The following AGBL4 variants were observed in gnomAD, a reference collection of about 807,000 sequenced individuals.
AGBL4 encodes cytosolic carboxypeptidase 6.
AGBL4 carries 58 observed loss-of-function variants against 66.4 expected under a neutral mutation model. That is an observed-to-expected ratio of 0.87 (90% CI 0.71 to 1.09). AGBL4 has a LOEUF of 1.09. Among genes scored for constraint, AGBL4 ranks in the 50% least tolerant of loss-of-function variants. The probability of loss-of-function intolerance (pLI) is 0.00; values close to 1 mark genes in which losing one functional copy is unlikely to be tolerated. For missense variants in AGBL4, 579 were observed against 631.0 expected (o/e 0.92, Z 0.88); for synonymous variants, 234 against 222.9 (o/e 1.05, Z -0.44).
intron 4 of AGBL4, among the ~76,000 whole-genome samples, chr1:49,059,719 G>A (rs368482412): frequency 3.3e-5 from 5 of 152,096 alleles, no homozygotes; most frequent in Non-Finnish European, 7.4e-5. Context: ...CTAAGGCCAC[G>A]GGAGCCCACC....
At chr1:48,696,485 C>T (rs1646715885) in intron 6 of AGBL4, among the ~76,000 whole-genome samples, 1 of 152,156 alleles carries the variant, frequency 6.6e-6, no homozygotes, top group Admixed American at 6.5e-5. Flanking sequence ...GGCCCAAGGT[C>T]ATACCTGGAC....
chr1:49,180,643 A>T (rs2148185468), intron 4 of AGBL4, among the ~76,000 whole-genome samples: 1 of 152,296 alleles, frequency 6.6e-6, no homozygotes, highest in East Asian at 1.9e-4. Flanking sequence ...GAAGATACTG[A>T]TCCAGAAGAT....
At chr1:49,094,915 G>C (rs1223034585) in intron 4 of AGBL4, among the ~76,000 whole-genome samples, 1 of 152,142 alleles carries the variant, frequency 6.6e-6, no homozygotes, top group Non-Finnish European at 1.5e-5. Flanking sequence ...CAGATGACAT[G>C]ATTGTATATC....
At chr1:49,822,667 A>G (rs924178752) in intron 2 of AGBL4, among the ~76,000 whole-genome samples, 9 of 152,186 alleles carry the variant, frequency 5.9e-5, no homozygotes, top group African/African-American at 2.2e-4. Flanking sequence ...AAATTTATAC[A>G]TAAGTATGAT....
chr1:49,307,959 G>T (rs1426325867), intron 3 of AGBL4, among the ~76,000 whole-genome samples: 1 of 152,132 alleles, frequency 6.6e-6, no homozygotes, highest in East Asian at 1.9e-4. Context: ...GTGGGGCCCG[G>T]TGGGAGGTGA....
chr1:48,755,058 TGAAA>T (rs1462920675), intron 6 of AGBL4, among the ~76,000 whole-genome samples: 2 of 152,322 alleles, frequency 1.3e-5, no homozygotes, highest in African/African-American at 2.4e-5. Context: ...GTGGAATGAA[TGAAA>T]GAATGAATAA....
intron 3 of AGBL4, among the ~76,000 whole-genome samples, chr1:49,260,541 T>G: frequency 6.6e-6 from 1 of 152,008 alleles, no homozygotes; most frequent in East Asian, 1.9e-4. Flanking sequence ...TCTACACAAA[T>G]AAACCAGAAA....
chr1:49,949,436 A>G (rs1655870226), intron 1 of AGBL4, among the ~76,000 whole-genome samples: 1 of 151,866 alleles, frequency 6.6e-6, no homozygotes, highest in Non-Finnish European at 1.5e-5. Context: ...CTGTGGGAGA[A>G]AATCTTCACA....
chr1:49,590,816 A>G (rs917280628), intron 3 of AGBL4, among the ~76,000 whole-genome samples: 2 of 152,068 alleles, frequency 1.3e-5, no homozygotes, highest in African/African-American at 4.8e-5. Flanking sequence ...AAGAGTATTC[A>G]TGAATAAAAT....
chr1:49,840,991 A>G (rs907480723), intron 2 of AGBL4, among the ~76,000 whole-genome samples: 4 of 152,212 alleles, frequency 2.6e-5, no homozygotes, highest in South Asian at 2.1e-4. Flanking sequence ...TAGTACTAGA[A>G]GTCCTAGCCA....
chr1:49,490,756 G>T (rs1039245681), intron 3 of AGBL4, among the ~76,000 whole-genome samples: 2 of 151,688 alleles, frequency 1.3e-5, no homozygotes, highest in Non-Finnish European at 2.9e-5. Flanking sequence ...GGAAAAAAAT[G>T]GATTCTGGGG....
At chr1:49,772,737 C>T (rs1382426428) in intron 2 of AGBL4, among the ~76,000 whole-genome samples, 2 of 152,140 alleles carry the variant, frequency 1.3e-5, no homozygotes, top group African/African-American at 4.8e-5. Context: ...TGAGGATTCT[C>T]TTATATGTGA....
chr1:48,742,643 A>G, intron 6 of AGBL4: 2 of 1,601,390 alleles, frequency 1.2e-6, no homozygotes, highest in Non-Finnish European at 1.7e-6. Flanking sequence ...TCTAGGATAT[A>G]CTTGTCCATG....
intron 3 of AGBL4, among the ~76,000 whole-genome samples, chr1:49,330,793 A>G (rs184106033): frequency 6.6e-6 from 1 of 152,310 alleles, no homozygotes; most frequent in Admixed American, 6.5e-5. Flanking sequence ...GCCAATTAGA[A>G]GCAGCTGCTA....
chr1:48,676,133 C>T (rs907761350), intron 6 of AGBL4, among the ~76,000 whole-genome samples: 2 of 152,172 alleles, frequency 1.3e-5, no homozygotes, highest in South Asian at 2.1e-4. Flanking sequence ...TAAGTGGCTC[C>T]GCCATGGTTT....
chr1:49,383,995 C>A (rs1644680873), intron 3 of AGBL4, among the ~76,000 whole-genome samples: 1 of 151,862 alleles, frequency 6.6e-6, no homozygotes. Flanking sequence ...CGGGGTTTCA[C>A]TGCGTTGGCC....
At chr1:49,340,428 C>T (rs1406188800) in intron 3 of AGBL4, among the ~76,000 whole-genome samples, 1 of 152,052 alleles carries the variant, frequency 6.6e-6, no homozygotes, top group Non-Finnish European at 1.5e-5. Flanking sequence ...AAAGCCAAAT[C>T]CTATCAAGAC....
At chr1:48,787,781 G>GT (rs1250051142) in intron 6 of AGBL4, among the ~76,000 whole-genome samples, 3 of 152,120 alleles carry the variant, frequency 2.0e-5, no homozygotes, top group Non-Finnish European at 4.4e-5. Flanking sequence ...TTTTGCTAAC[G>GT]TAAGGATGGA....
intron 3 of AGBL4, among the ~76,000 whole-genome samples, chr1:49,515,004 A>G (rs1649649299): frequency 6.6e-6 from 1 of 152,144 alleles, no homozygotes; most frequent in East Asian, 1.9e-4. Context: ...AAAACACCAA[A>G]AGCAATGGCA....
Sources: gnomAD v4.1 joint callset for allele counts (sites outside exome capture counted in the v4.1 genomes callset) on GRCh38, gnomAD v4.1.1 for gene constraint, MANE v1.5 for transcripts, NCBI Gene and HGNC (gene_info 2026-07-23, HGNC 2026-07-21) for gene names.